ACOXL: variants seen among roughly 807,000 people sequenced by gnomAD.
ACOXL encodes the protein acyl-CoA oxidase like.
ACOXL carries 70 observed loss-of-function variants against 71.9 expected under a neutral mutation model. The ratio of observed to expected loss-of-function variants is 0.97; its 90% CI spans 0.80 to 1.19. The LOEUF is 1.19. ACOXL is among the 50% of genes most tolerant of loss of function. The pLI is 0.00. For synonymous variants in ACOXL, 253 were observed against 281.6 expected, an observed-to-expected ratio of 0.90 and a Z score of 1.02; for missense variants, 703 against 736.3, an observed-to-expected ratio of 0.95 and a Z score of 0.52.
In ACOXL at chr2:110,805,012, G is replaced by A. The variant is rs370674601; in HGVS notation, c.621-251G>A. On this transcript the variant is annotated intron_variant, in intron 8 of 17. Transcript: ENST00000439055. ...GTTTTTAAAAAGTGGGTCAGTGTGC[G>A]GTCTGCACAGTCAGGCTCCGGTGCT... Among the ~76,000 whole-genome samples, 20 of 152,294 alleles carry A rather than the reference G, an allele frequency of 1.3e-4. No individual in the cohort carries two copies. In the South Asian group the frequency reaches 2.5e-3, roughly 19 times the overall value.
intron 3 of ACOXL, among the ~76,000 whole-genome samples, chr2:110,786,320 T>G (rs1343100795): frequency 1.3e-5 from 2 of 152,144 alleles, no homozygotes; most frequent in East Asian, 3.8e-4. Context: ...TAGGTAGGAA[T>G]TAAAAACAAA....
intron 14 of ACOXL, among the ~76,000 whole-genome samples, chr2:111,023,865 G>A (rs17041773): frequency 0.072 from 10,889 of 152,150 alleles, 745 homozygotes; most frequent in African/African-American, 0.17. Context: ...GACACTCCTA[G>A]GCTGCGATGG....
intron 16 of ACOXL, among the ~76,000 whole-genome samples, chr2:111,054,258 G>A (rs1222464061): frequency 1.3e-5 from 2 of 152,168 alleles, no homozygotes; most frequent in Admixed American, 6.5e-5. Flanking sequence ...TTGAATCTCT[G>A]CTCCTAAGTT....
At chr2:111,037,665 CT>C (rs1350538108) in intron 15 of ACOXL, among the ~76,000 whole-genome samples, 1 of 152,190 alleles carries the variant, frequency 6.6e-6, no homozygotes, top group African/African-American at 2.4e-5. Context: ...CCACAACAAC[CT>C]TGCAAAGCCC....
At chr2:110,838,851 C>T (rs556982350) in intron 9 of ACOXL, among the ~76,000 whole-genome samples, 116 of 152,334 alleles carry the variant, frequency 7.6e-4, no homozygotes, top group Non-Finnish European at 1.5e-3. Context: ...TTTCCCCCCT[C>T]CCCAGTTGTC....
chr2:110,953,796 A>G (rs1189536975), intron 12 of ACOXL, among the ~76,000 whole-genome samples: 4 of 152,272 alleles, frequency 2.6e-5, no homozygotes, highest in African/African-American at 9.6e-5. Flanking sequence ...AGGGGAAGCA[A>G]TTATGTCTTA....
At chr2:110,923,558 C>T (rs1291101885) in intron 11 of ACOXL, among the ~76,000 whole-genome samples, 1 of 152,160 alleles carries the variant, frequency 6.6e-6, no homozygotes, top group East Asian at 1.9e-4. Context: ...CCAGACTATC[C>T]TGAGTTCAAA....
chr2:110,768,513 T>TGTGTGAGAGAGAGA lies in ACOXL; in HGVS notation c.75+50_75+51insTGTGAGAGAGAGAG. The stretch of plus-strand genomic sequence containing the variant: ...ATGGTTGTGTGTGTGTGTGTGTGTG[T>TGTGTGAGAGAGAGA]GAGAGAGAGAGAGAGAGAGAGAGAG... On this transcript the variant is annotated intron_variant, in intron 2 of 17. Transcript: ENST00000439055. 4.3e-6 allele frequency: 4 copies of TGTGTGAGAGAGAGA among 928,504 alleles called. No individual in the cohort carries two copies. In the East Asian group the frequency reaches 9.2e-5, roughly 21 times the overall value. The allele number at this position is 928,504 out of a possible 1,614,324, so 57.5% of individuals were successfully genotyped here.
At chr2:110,845,355 C>T (rs1422559747) in intron 10 of ACOXL, among the ~76,000 whole-genome samples, 1 of 152,176 alleles carries the variant, frequency 6.6e-6, no homozygotes, top group African/African-American at 2.4e-5. Context: ...ATGGCTTAAT[C>T]ACCTTTTAAA....
chr2:111,052,892 TC>T (rs1013417478), intron 16 of ACOXL, among the ~76,000 whole-genome samples: 7 of 152,120 alleles, frequency 4.6e-5, no homozygotes, highest in Non-Finnish European at 1.0e-4. Flanking sequence ...CTGTGGCACT[TC>T]CCTGTCCCGG....
At position 110,810,889 on chromosome 2, in the gene ACOXL, G is replaced by T. The variant is rs182371539; in HGVS notation, c.753+5494G>T. Among the ~76,000 whole-genome samples the T allele has an allele frequency of 2.2e-3, 338 of 152,322 alleles. 3 individuals carry two copies. Among genetic ancestry groups the T allele is most frequent in the African/African-American group, 8.0e-3 (333 of 41,552 alleles). On this transcript the variant is annotated intron_variant, in intron 9 of 17. Coordinates refer to ENST00000439055, the MANE Select transcript of ACOXL (RefSeq NM_001142807.4). ...AGGCCTTAGGAAACTTACAGTCATG[G>T]CAGAAGGGAAGCAAACACGTCCTTC...
chr2:111,016,413 A>G (rs1422526241), intron 14 of ACOXL: 2 of 152,248 alleles, frequency 1.3e-5, no homozygotes, highest in Non-Finnish European at 2.9e-5. Flanking sequence ...TACGTGTGCT[A>G]CACATCTGAC....
intron 17 of ACOXL, among the ~76,000 whole-genome samples, chr2:111,095,161 A>G (rs2068734839): frequency 6.6e-6 from 1 of 151,892 alleles, no homozygotes; most frequent in South Asian, 2.1e-4. Flanking sequence ...GCTATCTTTG[A>G]AGACTATTTC....
intron 15 of ACOXL, among the ~76,000 whole-genome samples, chr2:111,047,331 A>C (rs897033748): frequency 1.3e-5 from 2 of 152,200 alleles, no homozygotes; most frequent in South Asian, 2.1e-4. Context: ...TGTCAGTGAG[A>C]ATCCAGTAGC....
intron 2 of ACOXL, among the ~76,000 whole-genome samples, chr2:110,773,711 G>T (rs897392980): frequency 2.6e-5 from 4 of 152,194 alleles, no homozygotes; most frequent in African/African-American, 9.7e-5. Context: ...CTGGCTCTTA[G>T]TCCTATATAC....
intron 16 of ACOXL, among the ~76,000 whole-genome samples, chr2:111,060,960 ACTGACT>A (rs1198527355): frequency 1.3e-5 from 2 of 152,216 alleles, no homozygotes; most frequent in Non-Finnish European, 2.9e-5. Context: ...AATAGAAATG[ACTGACT>A]CTGTACAACA....
At chr2:111,020,090 C>T (rs2064674711) in intron 14 of ACOXL, among the ~76,000 whole-genome samples, 1 of 152,204 alleles carries the variant, frequency 6.6e-6, no homozygotes, top group African/African-American at 2.4e-5. Context: ...GAACTCTTAA[C>T]CTCAAGTGAT....
At chr2:110,980,894 C>T (rs555455779) in intron 12 of ACOXL, among the ~76,000 whole-genome samples, 10 of 152,358 alleles carry the variant, frequency 6.6e-5, no homozygotes, top group African/African-American at 2.4e-4. Context: ...CGCAGCCCCT[C>T]TCTGTGCCCA....
At chr2:110,984,978 A>G (rs1434216612) in intron 12 of ACOXL, among the ~76,000 whole-genome samples, 8 of 152,194 alleles carry the variant, frequency 5.3e-5, no homozygotes, top group Admixed American at 1.3e-4. Context: ...CATAAATGCC[A>G]TGGAGAAAAA....
Sources: gnomAD v4.1 joint callset for allele counts (sites outside exome capture counted in the v4.1 genomes callset) on GRCh38, gnomAD v4.1.1 for gene constraint, MANE v1.5 for transcripts, NCBI Gene and HGNC (gene_info 2026-07-23, HGNC 2026-07-21) for gene names.